CYP2C19: variants seen among roughly 807,000 people sequenced by gnomAD.
CYP2C19 encodes cytochrome P450 2C19.
Under a neutral mutation model 40.9 loss-of-function variants are expected in CYP2C19, and 59 were observed. The observed-to-expected ratio is 1.44, with a 90% CI of 1.17 to 1.79. CYP2C19 has a LOEUF of 1.79. Ranked by LOEUF, CYP2C19 falls within the 40% of genes most tolerant of loss-of-function variation. The pLI is 0.00. For synonymous variants in CYP2C19, 253 were observed against 208.7 expected (o/e 1.21, Z -1.83); for missense variants, 754 against 596.9 (o/e 1.26, Z -2.74).
intron 6 of CYP2C19, among the ~76,000 whole-genome samples, chr10:94,823,328 A>C (rs1849158800): frequency 6.6e-6 from 1 of 152,192 alleles, no homozygotes; most frequent in Non-Finnish European, 1.5e-5. Flanking sequence ...GAGTTTAAGA[A>C]GCCCCATACT....
chr10:94,842,763 A>C, intron 6 of CYP2C19, 74 bp from the exon 7 acceptor site: 1 of 1,482,346 alleles, frequency 6.7e-7, no homozygotes, highest in Non-Finnish European at 9.4e-7. Context: ...ATCATGATTC[A>C]TGTACCCCTG....
intron 8 of CYP2C19, among the ~76,000 whole-genome samples, chr10:94,851,813 T>A (rs1435068381): frequency 6.6e-6 from 1 of 152,146 alleles, no homozygotes; most frequent in East Asian, 1.9e-4. Flanking sequence ...CAAGGCCTCA[T>A]CACTTTAGTA....
intron 1 of CYP2C19, among the ~76,000 whole-genome samples, chr10:94,770,645 C>G (rs563431299): frequency 6.6e-6 from 1 of 152,124 alleles, no homozygotes; most frequent in Non-Finnish European, 1.5e-5. Context: ...ATCAATTGAC[C>G]TTCTAGTCAG....
At chr10:94,778,113 T>C (rs1848434601) in intron 3 of CYP2C19, among the ~76,000 whole-genome samples, 1 of 152,170 alleles carries the variant, frequency 6.6e-6, no homozygotes, top group Admixed American at 6.5e-5. Context: ...TGGAGCTGCA[T>C]GTTTTTATTC....
chr10:94,824,991 A>C (rs376075999), intron 6 of CYP2C19, among the ~76,000 whole-genome samples: 1 of 140,086 alleles, frequency 7.1e-6, no homozygotes, highest in East Asian at 2.0e-4. Context: ...TGAACTCATC[A>C]TTTTTTATGG....
chr10:94,823,208 A>G (rs1849156502), intron 6 of CYP2C19, among the ~76,000 whole-genome samples: 2 of 152,166 alleles, frequency 1.3e-5, no homozygotes, highest in South Asian at 4.1e-4. Context: ...ATGGTAGAGA[A>G]TGAGGTTGAA....
chr10:94,806,983 C>T (rs1375502131), intron 5 of CYP2C19, among the ~76,000 whole-genome samples: 1 of 152,020 alleles, frequency 6.6e-6, no homozygotes, highest in Non-Finnish European at 1.5e-5. Flanking sequence ...CTATAGAATA[C>T]TATAACTTTT....
intron 5 of CYP2C19, among the ~76,000 whole-genome samples, chr10:94,783,070 G>A (rs1325347425): frequency 6.6e-6 from 1 of 151,996 alleles, no homozygotes; most frequent in African/African-American, 2.4e-5. Flanking sequence ...TAACAATCCT[G>A]CACGTTCTGC....
chr10:94,783,603 G>A (rs1157624490), intron 5 of CYP2C19, among the ~76,000 whole-genome samples: 1 of 152,050 alleles, frequency 6.6e-6, no homozygotes, highest in South Asian at 2.1e-4. Context: ...CTATAAATGT[G>A]TGAAGGGTTT....
At chr10:94,806,469 G>T (rs989705771) in intron 5 of CYP2C19, among the ~76,000 whole-genome samples, 1 of 151,844 alleles carries the variant, frequency 6.6e-6, no homozygotes, top group African/African-American at 2.4e-5. Context: ...ATTCTCGAAC[G>T]TCTTAATGTT....
At chr10:94,839,091 C>G (rs1849449693) in intron 6 of CYP2C19, among the ~76,000 whole-genome samples, 1 of 152,202 alleles carries the variant, frequency 6.6e-6, no homozygotes, top group African/African-American at 2.4e-5. Flanking sequence ...AGCATAAGTC[C>G]TAGAGCATCC....
chr10:94,817,385 A>C (rs1218377628), intron 5 of CYP2C19, among the ~76,000 whole-genome samples: 1 of 146,388 alleles, frequency 6.8e-6, no homozygotes, highest in Non-Finnish European at 1.5e-5. Context: ...TTCTTTTGAG[A>C]AGTGTCTGTT....
At chr10:94,845,429 C>T (rs940726864) in intron 7 of CYP2C19, among the ~76,000 whole-genome samples, 2 of 152,114 alleles carry the variant, frequency 1.3e-5, no homozygotes, top group Admixed American at 6.6e-5. Context: ...AAACAGGTGG[C>T]AGGATGGACT....
chr10:94,781,677 A>T (rs1326405969), intron 4 of CYP2C19, 144 bp from the exon 5 acceptor site: 2 of 343,582 alleles, frequency 5.8e-6, no homozygotes, highest in African/African-American at 4.2e-5. Context: ...GAATTACTAC[A>T]CATGTACAAT....
At chr10:94,770,859 G>A (rs919992608) in intron 1 of CYP2C19, among the ~76,000 whole-genome samples, 2 of 152,100 alleles carry the variant, frequency 1.3e-5, no homozygotes, top group African/African-American at 4.8e-5. Flanking sequence ...GGTCCCAGTG[G>A]GGATCCATAC....
chr10:94,832,853 G>C (rs1849353886), intron 6 of CYP2C19, among the ~76,000 whole-genome samples: 1 of 152,008 alleles, frequency 6.6e-6, no homozygotes, highest in Non-Finnish European at 1.5e-5. Flanking sequence ...TGTTTTGATA[G>C]TATGGACATT....
At chr10:94,826,785 G>C (rs1214122989) in intron 6 of CYP2C19, among the ~76,000 whole-genome samples, 1 of 152,138 alleles carries the variant, frequency 6.6e-6, no homozygotes, top group South Asian at 2.1e-4. Context: ...GTATGATGTT[G>C]GCTGTGGGTT....
chr10:94,810,729 G>C (rs1848908273), intron 5 of CYP2C19, among the ~76,000 whole-genome samples: 2 of 152,104 alleles, frequency 1.3e-5, no homozygotes, highest in African/African-American at 4.8e-5. Context: ...GATCAGTGGT[G>C]ATATCCCCTT....
intron 5 of CYP2C19, among the ~76,000 whole-genome samples, chr10:94,814,428 T>C (rs1240402043): frequency 6.6e-6 from 1 of 152,016 alleles, no homozygotes; most frequent in Non-Finnish European, 1.5e-5. Flanking sequence ...CAATTGCTAT[T>C]CCAAAATCTC....
Sources: allele counts gnomAD v4.1 joint callset (sites outside exome capture counted in the v4.1 genomes callset), GRCh38; gene constraint gnomAD v4.1.1; transcripts MANE v1.5; gene names NCBI Gene and HGNC (gene_info 2026-07-23, HGNC 2026-07-21).